The following UBE3D variants were observed in gnomAD, a reference collection of about 807,000 sequenced individuals.
UBE3D encodes E3 ubiquitin-protein ligase E3D.
UBE3D carries 48 observed loss-of-function variants against 49.6 expected under a neutral mutation model. The observed-to-expected ratio is 0.97, with a 90% CI of 0.77 to 1.23. UBE3D has a LOEUF of 1.23. UBE3D is among the 50% of genes most tolerant of loss of function. The pLI is 0.00. For synonymous variants in UBE3D, 189 were observed against 174.2 expected, an observed-to-expected ratio of 1.08 and a Z score of -0.67; for missense variants, 452 against 468.4, an observed-to-expected ratio of 0.96 and a Z score of 0.32.
chr6:82,903,753 G>A (rs1369308289), intron 9 of UBE3D, among the ~76,000 whole-genome samples: 2 of 152,246 alleles, frequency 1.3e-5, no homozygotes, highest in Non-Finnish European at 2.9e-5. Context: ...GGACTTGCTG[G>A]AAATAAAGAG....
downstream of UBE3D, among the ~76,000 whole-genome samples, chr6:82,891,095 A>G (rs956187375): frequency 1.3e-5 from 2 of 152,234 alleles, no homozygotes; most frequent in Non-Finnish European, 1.5e-5. Flanking sequence ...ACATGCCAGA[A>G]AAAGATTCAG....
chr6:82,916,344 A>G (rs1409689207), intron 9 of UBE3D, among the ~76,000 whole-genome samples: 1 of 152,230 alleles, frequency 6.6e-6, no homozygotes, highest in Non-Finnish European at 1.5e-5. Flanking sequence ...GTATTTAGAC[A>G]TTACTGACAT....
intron 8 of UBE3D, among the ~76,000 whole-genome samples, chr6:83,000,949 T>C (rs552438485): frequency 1.1e-4 from 17 of 152,000 alleles, no homozygotes; most frequent in Non-Finnish European, 2.2e-4. Context: ...GGTTCAAGTG[T>C]TTCTCCTGCC....
intron 9 of UBE3D, among the ~76,000 whole-genome samples, chr6:82,941,686 G>T (rs950731169): frequency 3.3e-5 from 5 of 152,162 alleles, no homozygotes; most frequent in Non-Finnish European, 7.3e-5. Context: ...GAGGTAATCG[G>T]ATCATGGGGG....
downstream of UBE3D, among the ~76,000 whole-genome samples, chr6:82,891,824 G>A (rs1770985433): frequency 6.6e-6 from 1 of 152,124 alleles, no homozygotes; most frequent in Admixed American, 6.5e-5. Flanking sequence ...TCAGGAGTTC[G>A]AGACCAGCCT....
chr6:82,929,251 C>T (rs554982139), intron 9 of UBE3D, among the ~76,000 whole-genome samples: 14 of 151,504 alleles, frequency 9.2e-5, no homozygotes, highest in Non-Finnish European at 1.8e-4. Flanking sequence ...CTAATCACAT[C>T]TGATGGAGAT....
intron 9 of UBE3D, among the ~76,000 whole-genome samples, chr6:82,916,098 A>G (rs1233649590): frequency 6.6e-6 from 1 of 152,156 alleles, no homozygotes; most frequent in Admixed American, 6.5e-5. Flanking sequence ...ATATTCATTG[A>G]CTTTATCATT....
At chr6:83,035,399 A>G (rs1033902028) in intron 5 of UBE3D, among the ~76,000 whole-genome samples, 2 of 152,104 alleles carry the variant, frequency 1.3e-5, no homozygotes, top group African/African-American at 2.4e-5. Flanking sequence ...AGAAAAATAA[A>G]CCTTTGAGAA....
intron 8 of UBE3D, chr6:83,017,242 A>T (rs1331292439): frequency 6.6e-6 from 1 of 152,218 alleles, no homozygotes; most frequent in East Asian, 1.9e-4. Flanking sequence ...TAATGTGAAA[A>T]CTAGTATCAA....
At chr6:82,896,896 C>T (rs1771362115) in intron 9 of UBE3D, among the ~76,000 whole-genome samples, 1 of 151,910 alleles carries the variant, frequency 6.6e-6, no homozygotes, top group African/African-American at 2.4e-5. Flanking sequence ...CGCATGCCAC[C>T]ATGCCGGCTA....
At position 82,897,068 on chromosome 6, in the gene UBE3D, C is replaced by T. The variant is rs542432656; in HGVS notation, c.1150-4026G>A. ...AATTTCAATCACTAAAAAGACATAT[C>T]ATCATCACTGGCTACATAGAAAGGC... On this transcript the variant is annotated intron_variant, in intron 9 of 9. Coordinates refer to ENST00000369747, the MANE Select transcript of UBE3D (RefSeq NM_198920.3). Among the ~76,000 whole-genome samples the T allele has an allele frequency of 4.6e-5, 7 of 151,926 alleles. No individual in the cohort carries two copies. The East Asian group carries it at 1.4e-3, about 30-fold the overall frequency.
intron 9 of UBE3D, among the ~76,000 whole-genome samples, chr6:82,914,538 C>A (rs293490): frequency 0.67 from 101,503 of 151,872 alleles, 34,502 homozygotes; most frequent in East Asian, 0.79. Context: ...TACTGTGGCA[C>A]CTCGGCGTCA....
At chr6:83,028,962 T>A (rs1310726605) in intron 5 of UBE3D, among the ~76,000 whole-genome samples, 2 of 152,194 alleles carry the variant, frequency 1.3e-5, no homozygotes, top group Non-Finnish European at 2.9e-5. Context: ...TGTCATTATT[T>A]CTATTAGAAG....
chr6:82,963,230 AC>A (rs1776680909), intron 8 of UBE3D, among the ~76,000 whole-genome samples: 1 of 151,236 alleles, frequency 6.6e-6, no homozygotes, highest in Non-Finnish European at 1.5e-5. Flanking sequence ...ATAAAAGAGA[AC>A]AAAATGGAAA....
At chr6:83,032,336 T>A (rs760224107) in intron 5 of UBE3D, 3 of 452,638 alleles carry the variant, frequency 6.6e-6, no homozygotes, top group Non-Finnish European at 1.3e-5. Flanking sequence ...TCAAAAGAGA[T>A]CATTTTGGAG....
chr6:83,053,988 C>T (rs1783645817), intron 3 of UBE3D, among the ~76,000 whole-genome samples, 160 bp downstream of exon 3: 1 of 152,166 alleles, frequency 6.6e-6, no homozygotes, highest in African/African-American at 2.4e-5. Context: ...TCTGCGATTG[C>T]TAGCAAGTTT....
rs773081632 is a variant in UBE3D at position 83,019,134 on chromosome 6, T to C, written c.849A>G (p.Leu283=). The change falls in exon 8 of 10, where the codon CTA becomes CTG. Residue 283 remains leucine (L), a splice_region_variant and synonymous_variant. Transcript: ENST00000369747. ...CCAAACTGTCTGAATTTAAAAGCCA[T>C]AGCTAAAGATGTGAAGAGAAAGTCC... ...QGQDDKVYIL[L]WLLNSDSLVI... is the part of the protein sequence containing the mutation. 4 of 1,611,950 alleles carry C rather than the reference T, an allele frequency of 2.5e-6. No homozygotes were observed. In the South Asian group the frequency reaches 3.3e-5, roughly 13 times the overall value.
chr6:82,994,178 A>C (rs1326623014), intron 8 of UBE3D, among the ~76,000 whole-genome samples: 1 of 152,172 alleles, frequency 6.6e-6, no homozygotes, highest in East Asian at 1.9e-4. Context: ...CAGAAGAAAA[A>C]ATTTTAATAC....
At chr6:82,885,009 G>C in the UBE3D span, among the ~76,000 whole-genome samples, 51 of 152,224 alleles carry the variant, frequency 3.4e-4, no homozygotes, top group Non-Finnish European at 6.0e-4. Flanking sequence ...TGCAAGAGAA[G>C]ATTCTGAAAA....
Sources: allele counts gnomAD v4.1 joint callset (sites outside exome capture counted in the v4.1 genomes callset), GRCh38; gene constraint gnomAD v4.1.1; transcripts MANE v1.5; gene names NCBI Gene and HGNC (gene_info 2026-07-23, HGNC 2026-07-21).